Variants in UGGT2 observed in about 807,000 individuals in gnomAD.
The protein encoded by UGGT2 is UDP-glucose:glycoprotein glucosyltransferase 2.
In UGGT2, 180 loss-of-function variants were observed where a neutral mutation model predicts 192.1. That is an observed-to-expected ratio of 0.94 (90% CI 0.83 to 1.06). The LOEUF is 1.06. Among genes scored for constraint, UGGT2 ranks in the 50% least tolerant of loss-of-function variants. The pLI, the probability that UGGT2 is intolerant of heterozygous loss-of-function variation, is 0.00. For synonymous variants in UGGT2, 580 were observed against 591.0 expected, an observed-to-expected ratio of 0.98 and a Z score of 0.27; for missense variants, 1,849 against 1,795.7, an observed-to-expected ratio of 1.03 and a Z score of -0.54.
intron 10 of UGGT2, among the ~76,000 whole-genome samples, chr13:95,979,623 T>C (rs1165548912): frequency 6.6e-6 from 1 of 151,772 alleles, no homozygotes; most frequent in Non-Finnish European, 1.5e-5. Flanking sequence ...TCAGTTTAAT[T>C]CTGATCTGTA....
intron 12 of UGGT2, among the ~76,000 whole-genome samples, chr13:95,960,197 A>C (rs1203798973): frequency 2.0e-5 from 3 of 152,230 alleles, no homozygotes; most frequent in African/African-American, 7.2e-5. Flanking sequence ...CAGGAACATA[A>C]GCAATCTCCA....
intron 11 of UGGT2, among the ~76,000 whole-genome samples, chr13:95,970,721 A>G (rs892002819): frequency 6.6e-6 from 1 of 152,224 alleles, no homozygotes; most frequent in East Asian, 1.9e-4. Context: ...TTTATTACAT[A>G]TAATTTGAAA....
At chr13:95,895,049 TTATATTCTTTA>T in intron 23 of UGGT2, 120 bp downstream of exon 23, 1 of 922,042 alleles carries the variant, frequency 1.1e-6, no homozygotes, top group Non-Finnish European at 1.5e-6. Flanking sequence ...TATTATTTGC[TTATATTCTTTA>T]TATATGTCTT....
intron 36 of UGGT2, among the ~76,000 whole-genome samples, chr13:95,845,667 C>T (rs926432673): frequency 6.6e-6 from 1 of 152,152 alleles, no homozygotes; most frequent in Non-Finnish European, 1.5e-5. Context: ...ATGGCCCGTT[C>T]TCAATGAGCT....
At chr13:95,820,089 C>G (rs1200220347) in intron 38 of UGGT2, among the ~76,000 whole-genome samples, 1 of 152,084 alleles carries the variant, frequency 6.6e-6, no homozygotes, top group Non-Finnish European at 1.5e-5. Context: ...ACCTCGGAGG[C>G]AGAGTTTGAG....
At chr13:96,046,984 G>A (rs964923674) in intron 1 of UGGT2, among the ~76,000 whole-genome samples, 1 of 152,220 alleles carries the variant, frequency 6.6e-6, no homozygotes, top group Non-Finnish European at 1.5e-5. Flanking sequence ...CTTGAACTGG[G>A]TGGAGCCCAC....
intron 29 of UGGT2, among the ~76,000 whole-genome samples, chr13:95,872,842 A>G (rs183374992): frequency 2.8e-3 from 420 of 152,338 alleles, no homozygotes; most frequent in Non-Finnish European, 4.4e-3. Flanking sequence ...TTAGTTTTAC[A>G]TAATACATGT....
At chr13:95,923,225 T>A (rs1451405106) in intron 20 of UGGT2, among the ~76,000 whole-genome samples, 2 of 152,156 alleles carry the variant, frequency 1.3e-5, no homozygotes, top group African/African-American at 4.8e-5. Flanking sequence ...CTAATTGTTT[T>A]TAAAAAAATT....
chr13:96,053,371 C>T lies in UGGT2; in HGVS notation c.-59G>A. ...CGGTACCCACAGTCTGTGGCCGCCA[C>T]GCTTCGGCCGGCTCTTCCCGCTGCG... On this transcript the variant is annotated 5_prime_UTR_variant, in exon 1 of 39. The change creates a new upstream start codon in the 5' untranslated region. Coordinates refer to ENST00000376747, the MANE Select transcript of UGGT2 (RefSeq NM_020121.4). 2 of 1,534,362 alleles carry T rather than the reference C, an allele frequency of 1.3e-6. No homozygotes were observed.
chr13:96,040,809 C>G (rs1196881589), intron 1 of UGGT2, among the ~76,000 whole-genome samples: 1 of 152,206 alleles, frequency 6.6e-6, no homozygotes, highest in East Asian at 1.9e-4. Flanking sequence ...GAGCATAACA[C>G]AGCAGTTCCA....
chr13:95,997,635 T>C (rs548917603), intron 6 of UGGT2, among the ~76,000 whole-genome samples: 2 of 150,898 alleles, frequency 1.3e-5, no homozygotes, highest in East Asian at 3.9e-4. Context: ...AGAGCAATGA[T>C]TCCATCTCAG....
At chr13:96,001,428 C>T (rs1048784208) in intron 5 of UGGT2, among the ~76,000 whole-genome samples, 7 of 152,092 alleles carry the variant, frequency 4.6e-5, no homozygotes, top group Non-Finnish European at 8.8e-5. Flanking sequence ...TAAAACGGCC[C>T]CACCCCATCT....
intron 17 of UGGT2, among the ~76,000 whole-genome samples, chr13:95,931,172 A>G (rs1048046771): frequency 1.3e-5 from 2 of 152,144 alleles, no homozygotes; most frequent in Non-Finnish European, 2.9e-5. Context: ...GCTAGCCACA[A>G]AAGTTCTCCA....
chr13:96,017,067 G>A (rs770107991), intron 4 of UGGT2, among the ~76,000 whole-genome samples: 10 of 152,250 alleles, frequency 6.6e-5, no homozygotes, highest in Admixed American at 4.6e-4. Flanking sequence ...TCTTTTGGCC[G>A]ATTTCTCCCT....
chr13:95,911,219 G>A (rs201283606), intron 20 of UGGT2, among the ~76,000 whole-genome samples: 6 of 151,992 alleles, frequency 3.9e-5, no homozygotes, highest in African/African-American at 7.2e-5. Flanking sequence ...CTAGCAGAAC[G>A]CAAGAAATAA....
At chr13:96,048,292 C>G (rs996924589) in intron 1 of UGGT2, among the ~76,000 whole-genome samples, 4 of 152,050 alleles carry the variant, frequency 2.6e-5, no homozygotes, top group African/African-American at 9.7e-5. Flanking sequence ...CCAATAAGAA[C>G]AAAGACACAA....
chr13:95,920,952 A>G (rs977272998), intron 20 of UGGT2, among the ~76,000 whole-genome samples: 1 of 152,234 alleles, frequency 6.6e-6, no homozygotes. Flanking sequence ...CTAAATGCCC[A>G]TCAATGATAG....
At chr13:96,050,471 C>T (rs1300161584) in intron 1 of UGGT2, among the ~76,000 whole-genome samples, 13 of 152,204 alleles carry the variant, frequency 8.5e-5, no homozygotes, top group South Asian at 4.1e-4. Context: ...AAAGCCAAAA[C>T]TGACAAATGG....
chr13:95,866,506 T>C (rs1328215304), intron 30 of UGGT2, among the ~76,000 whole-genome samples: 1 of 152,188 alleles, frequency 6.6e-6, no homozygotes, highest in Non-Finnish European at 1.5e-5. Context: ...CCTATCCATC[T>C]GGAAGAATAT....
Sources: allele counts gnomAD v4.1 joint callset (sites outside exome capture counted in the v4.1 genomes callset), GRCh38; gene constraint gnomAD v4.1.1; transcripts MANE v1.5; gene names NCBI Gene and HGNC (gene_info 2026-07-23, HGNC 2026-07-21).